LRRC23: variants seen among roughly 807,000 people sequenced by gnomAD.
The protein encoded by LRRC23 is leucine rich repeat containing 23, also known as leucine-rich repeat-containing protein 23.
Under a neutral mutation model 37.7 loss-of-function variants are expected in LRRC23, and 28 were observed. The ratio of observed to expected loss-of-function variants is 0.74; its 90% CI spans 0.55 to 1.02. LRRC23 has a LOEUF of 1.02. LRRC23 is among the 50% of genes least tolerant of loss of function. LRRC23 has a pLI of 0.00. For synonymous variants in LRRC23, 161 were observed against 165.4 expected, an observed-to-expected ratio of 0.97 and a Z score of 0.20; for missense variants, 377 against 413.2, an observed-to-expected ratio of 0.91 and a Z score of 0.76.
rs1555139813 is a variant in LRRC23, at chr12:6,907,448, A to G, written c.621+3A>G. The G allele has an allele frequency of 6.2e-7, 1 of 1,614,020 alleles. No homozygotes were observed. The highest frequency in any genetic ancestry group is 2.2e-5 in the East Asian group (1 of 44,856). On this transcript the variant is annotated splice_donor_region_variant and intron_variant, in intron 5 of 7. Transcript: ENST00000443597. ...CTAAGCTGAAGAACCTCTACCTGGT[A>G]GCTCACTGGGTCAGAGGGTGGTGCA...
At chr12:6,909,425 TATA>T in intron 5 of LRRC23, among the ~76,000 whole-genome samples, 1 of 58,676 alleles carries the variant, frequency 1.7e-5, no homozygotes, top group Admixed American at 2.7e-4. Context: ...ATATATAATA[TATA>T]AATATTATAT....
rs782464446 is a variant in LRRC23 at position 6,906,573 on chromosome 12, C to T, written c.401C>T (p.Pro134Leu). The change falls in exon 4 of 8, where the codon CCC becomes CTC. Residue 134 changes from proline to leucine, a missense_variant. Around this residue, in one of 3 missense-constraint regions of LRRC23, gnomAD observed 266 missense variants for 285.6 expected, o/e 0.93. Coordinates refer to ENST00000443597, the MANE Select transcript of LRRC23 (RefSeq NM_001135217.2). The part of the protein sequence containing the change: ...RLRSAQMNEL[P>L]YLQIASFAYN... The stretch of plus-strand genomic sequence containing the variant: ...CGAAGTGCCCAGATGAATGAACTGC[C>T]CTACCTGCAGATTGCTAGTTTTGCT... The T allele has an allele frequency of 6.2e-7, 1 of 1,614,218 alleles. No homozygotes were observed. The highest frequency in any genetic ancestry group is 1.7e-5 in the Admixed American group (1 of 60,024).
Position 6,913,917 on chromosome 12 carries a change from C to T in LRRC23, c.*51C>T, listed in dbSNP as rs782707013. 31 of 1,606,904 alleles carry T rather than the reference C, an allele frequency of 1.9e-5. No homozygotes were observed. The Admixed American group carries it at 5.3e-4, about 27-fold the overall frequency. ...AGATCAAAGACGCTGGCCTTCAGAC[C>T]TGATCAGACTCCCAGGGGCAGCCAC... is the stretch of plus-strand genomic sequence containing the variant. On this transcript the variant is annotated 3_prime_UTR_variant, in exon 8 of 8. Coordinates refer to ENST00000443597, the MANE Select transcript of LRRC23 (RefSeq NM_001135217.2).
intron 5 of LRRC23, among the ~76,000 whole-genome samples, chr12:6,909,639 A>G (rs1945109949): frequency 6.7e-6 from 1 of 148,242 alleles, no homozygotes; most frequent in Non-Finnish European, 1.5e-5. Context: ...GGGTGGGTTG[A>G]AGCATCTCCT....
Position 6,906,587 on chromosome 12 carries a change from G to T in LRRC23, c.415G>T (p.Ala139Ser), listed in dbSNP as rs1555139646. Residue 139 changes from alanine (A) to serine (S), a missense_variant, in exon 4 of 8, where the codon GCT (alanine) becomes TCT (serine). Coordinates refer to ENST00000443597, the MANE Select transcript of LRRC23 (RefSeq NM_001135217.2). ...GAATGAACTGCCCTACCTGCAGATT[G>T]CTAGTTTTGCTTATAACCAGATTAC... ...QMNELPYLQI[A>S]SFAYNQITDT... 1 of 1,614,100 alleles carries T rather than the reference G, an allele frequency of 6.2e-7. No homozygotes were observed.
Position 6,905,773 on chromosome 12 carries a change from C to A in LRRC23, c.126+14C>A. Reference sequence around the variant, plus strand: ...TTCCCTGAGGAAGTGAGAGCCTGGACAAGGAGGGGTCCTAGGGCTGAAGGA... The same window carrying A: ...TTCCCTGAGGAAGTGAGAGCCTGGAAAAGGAGGGGTCCTAGGGCTGAAGGA... On this transcript the variant is annotated intron_variant, in intron 2 of 7. Coordinates refer to ENST00000443597, the MANE Select transcript of LRRC23 (RefSeq NM_001135217.2). The A allele has an allele frequency of 1.2e-6, 2 of 1,611,422 alleles. No homozygotes were observed. Among genetic ancestry groups the A allele is most frequent in the South Asian group, 1.1e-5 (1 of 91,012 alleles).
chr12:6,910,914 T>C (rs949340483), intron 6 of LRRC23, among the ~76,000 whole-genome samples: 4 of 152,016 alleles, frequency 2.6e-5, no homozygotes, highest in Non-Finnish European at 5.9e-5. Flanking sequence ...GAGCTGTCTC[T>C]AAAAGAAAGA....
intron 3 of LRRC23, 135 bp downstream of exon 3, chr12:6,906,089 CT>C: frequency 1.3e-6 from 1 of 799,836 alleles, no homozygotes; most frequent in Non-Finnish European, 2.0e-6. Flanking sequence ...ACAGAATTTA[CT>C]TTTCAGGAGC....
chr12:6,907,614 G>A lies in LRRC23; in HGVS notation c.621+169G>A, dbSNP rs1944981669. On this transcript the variant is annotated intron_variant, in intron 5 of 7. Coordinates refer to ENST00000443597, the MANE Select transcript of LRRC23 (RefSeq NM_001135217.2). Reference sequence around the variant, plus strand: ...TGCTGTGGAGATACACAGCCACCTAGCAGGGCTGATAATATATAATGTGTG... The same window carrying A: ...TGCTGTGGAGATACACAGCCACCTAACAGGGCTGATAATATATAATGTGTG... The A allele has an allele frequency of 5.6e-6, 4 of 716,586 alleles. No individual in the cohort carries two copies. The African/African-American group carries it at 7.0e-5, about 13-fold the overall frequency. 44.4% of individuals were successfully genotyped at this position (716,586 alleles called of 1,614,324 possible). A position where few individuals can be genotyped will look rare whatever the true frequency, so the allele number is the denominator to read the frequency against.
rs1555139453 is a variant in LRRC23, at chr12:6,905,876, T to C, written c.158T>C (p.Met53Thr). The change falls in exon 3 of 8, where the codon ATG becomes ACG. Residue 53 changes from methionine to threonine, a missense_variant. Physicochemically the swap from Met to Thr is moderately conservative, Grantham distance 81. This residue lies in a region of LRRC23 where 106 missense variants were observed against 105.9 expected (regional missense o/e 1.00). Transcript: ENST00000443597. ...CCCACCCCCCTCACGGAGGACATGA[T>C]GAAGGAAGGGCTTTCTCTGCTCTGT... ...WLPTPLTEDM[M>T]KEGLSLLCKT... 1.9e-6 allele frequency: 3 copies of C among 1,613,836 alleles called. No homozygotes were observed. Among genetic ancestry groups the C allele is most frequent in the Non-Finnish European group, 2.5e-6 (3 of 1,180,004 alleles).
At chr12:6,911,062 C>G (rs1418906104) in intron 6 of LRRC23, among the ~76,000 whole-genome samples, 2 of 152,104 alleles carry the variant, frequency 1.3e-5, no homozygotes, top group African/African-American at 4.8e-5. Context: ...TTTCCTGCCT[C>G]TCTTCTCCTG....
In LRRC23 at chr12:6,910,914, TA is replaced by T. The variant is rs1397766662; in HGVS notation, c.758+892del. ...CCTGGGTGACAGAGTGAGCTGTCTCTAAAAGAAAGAAAGGAATCAGAGGTGA... is the reference window on the plus strand; with the variant it reads ...CCTGGGTGACAGAGTGAGCTGTCTCTAAAGAAAGAAAGGAATCAGAGGTGA... On this transcript the variant is annotated intron_variant, in intron 6 of 7. Transcript: ENST00000443597. Among the ~76,000 whole-genome samples, 3 of 152,132 alleles carry T rather than the reference TA, an allele frequency of 2.0e-5. No individual in the cohort carries two copies. The East Asian group carries it at 5.8e-4, about 29-fold the overall frequency.
intron 5 of LRRC23, chr12:6,907,714 G>A: frequency 3.4e-6 from 2 of 591,436 alleles, no homozygotes; most frequent in Non-Finnish European, 6.0e-6. Context: ...ACATCAGTCT[G>A]TGGAAATGTT....
intron 7 of LRRC23, among the ~76,000 whole-genome samples, chr12:6,913,417 C>A (rs1342470941): frequency 1.3e-5 from 2 of 151,258 alleles, no homozygotes; most frequent in African/African-American, 4.9e-5. Flanking sequence ...GAAGATCCAG[C>A]ACAAAAAATC....
Position 6,906,613 on chromosome 12 carries a change from T to A in LRRC23, c.441T>A (p.Thr147=). ...CTAGTTTTGCTTATAACCAGATTAC[T>A]GACACTGAAGGCATCTCTCATCCTC... ...QIASFAYNQI[T]DTEGISHPRL... The change falls in exon 4 of 8, where the codon ACT becomes ACA. Residue 147 remains threonine, a synonymous_variant. Transcript: ENST00000443597. 2 of 1,614,220 alleles carry A rather than the reference T, an allele frequency of 1.2e-6. No homozygotes were observed. Among genetic ancestry groups the A allele is most frequent in the Non-Finnish European group, 1.7e-6 (2 of 1,180,032 alleles).
chr12:6,909,490 T>C, intron 5 of LRRC23, among the ~76,000 whole-genome samples: 1 of 96,174 alleles, frequency 1.0e-5, no homozygotes, highest in South Asian at 2.7e-4. Flanking sequence ...TATTATATAA[T>C]ATATTATATA....
intron 7 of LRRC23, 62 bp from the exon 8 acceptor site, chr12:6,913,829 C>CT (rs1179479070): frequency 3.1e-6 from 4 of 1,305,612 alleles, no homozygotes; most frequent in Non-Finnish European, 3.1e-6. Context: ...TTCCAAAGTG[C>CT]TGGGATTACA....
rs782674092 is a variant in LRRC23 at position 6,907,321 on chromosome 12, G to C, written c.497G>C (p.Ser166Thr). The change falls in exon 5 of 8, where the codon AGC (serine) becomes ACC (threonine). Residue 166 changes from serine to threonine, a missense_variant. Coordinates refer to ENST00000443597, the MANE Select transcript of LRRC23 (RefSeq NM_001135217.2). ...TTGAAACCCTCCTCCCCAGGGAACA[G>C]CATCCACATGGTGACAGGTCTGGAC... is the stretch of plus-strand genomic sequence containing the variant. ...RLETLNLKGN[S>T]IHMVTGLDPE... 1 of 1,613,926 alleles carries C rather than the reference G, an allele frequency of 6.2e-7. No individual in the cohort carries two copies. Among genetic ancestry groups the C allele is most frequent in the East Asian group, 2.2e-5 (1 of 44,888 alleles).
At chr12:6,911,548 T>A (rs1331820300) in intron 6 of LRRC23, among the ~76,000 whole-genome samples, 1 of 152,012 alleles carries the variant, frequency 6.6e-6, no homozygotes, top group Non-Finnish European at 1.5e-5. Flanking sequence ...GATTGGCAGG[T>A]GCCTCTGGGG....
Sources: gnomAD v4.1 joint callset for allele counts (sites outside exome capture counted in the v4.1 genomes callset) on GRCh38, gnomAD v4.1.1 for gene constraint, gnomAD v4.1.1 regional missense constraint, MANE v1.5 for transcripts, NCBI Gene and HGNC (gene_info 2026-07-23, HGNC 2026-07-21) for gene names.